Variants in NEK4 observed in about 807,000 individuals in gnomAD.
NEK4 encodes serine/threonine-protein kinase Nek4.
NEK4 carries 86 observed loss-of-function variants against 98.4 expected under a neutral mutation model. The ratio of observed to expected loss-of-function variants is 0.87; its 90% confidence interval spans 0.73 to 1.05. The LOEUF is 1.05. Among genes scored for constraint, NEK4 ranks in the 50% least tolerant of loss-of-function variants. The pLI, the probability that NEK4 is intolerant of heterozygous loss-of-function variation, is 0.00. For synonymous variants in NEK4, 328 were observed against 342.2 expected (o/e 0.96, Z 0.46); for missense variants, 898 against 950.3 (o/e 0.94, Z 0.72).
chr3:52,723,012 T>G (rs1204116392), intron 15 of NEK4, among the ~76,000 whole-genome samples: 1 of 152,142 alleles, frequency 6.6e-6, no homozygotes, highest in East Asian at 1.9e-4. Flanking sequence ...GAGACCAGCC[T>G]GGGCAACATA....
Position 52,711,783 on chromosome 3 carries a change from A to G in NEK4, c.2520T>C (p.Asn840=). The G allele has an allele frequency of 6.2e-7, 1 of 1,603,002 alleles. No individual in the cohort carries two copies. Among genetic ancestry groups the G allele is most frequent in the Admixed American group, 1.7e-5 (1 of 59,720 alleles). ...AGCAGATTAGGACAAATGCTCAAAA[A>G]TTCATGTTTTCTTCAAAAAATTTCA... ...RQLKFFEENM[N]F is the part of the protein sequence containing the mutation. Residue 840 remains asparagine, a synonymous_variant, in exon 16 of 16, where the codon AAT becomes AAC. Transcript: ENST00000233027.
At position 52,708,841 on chromosome 3, in the gene NEK4, G is replaced by C. The variant is rs971859913; in HGVS notation, c.*2936C>G. On this transcript the variant is annotated 3_prime_UTR_variant, in exon 16 of 16. Coordinates refer to ENST00000233027, the MANE Select transcript of NEK4 (RefSeq NM_003157.6). ...AAGGACATAAAACTTCCTTAGCTTT[G>C]TAAGTCTGTGGAAATCAAAACTTCT... 1.3e-5 allele frequency: 2 copies of C among 152,088 alleles called. No individual in the cohort carries two copies. The highest frequency in any genetic ancestry group is 1.3e-4 in the Admixed American group (2 of 15,250). 9.4% of individuals were successfully genotyped at this position (152,088 alleles called of 1,614,324 possible).
chr3:52,728,277 G>A (rs1330940890), intron 15 of NEK4, among the ~76,000 whole-genome samples: 2 of 152,202 alleles, frequency 1.3e-5, no homozygotes, highest in Non-Finnish European at 2.9e-5. Context: ...TCTAGAGGCT[G>A]AGGTGGGAGG....
Position 52,752,215 on chromosome 3 carries a change from A to T in NEK4, c.1085T>A (p.Ile362Asn), listed in dbSNP as rs758338516. 6 of 1,614,116 alleles carry T rather than the reference A, an allele frequency of 3.7e-6. No individual in the cohort carries two copies. Among genetic ancestry groups the T allele is most frequent in the Non-Finnish European group, 5.1e-6 (6 of 1,180,024 alleles). Residue 362 changes from isoleucine (I) to asparagine (N), a missense_variant, in exon 7 of 16, where the codon ATC becomes AAC. Coordinates refer to ENST00000233027, the MANE Select transcript of NEK4 (RefSeq NM_003157.6). ...TAAGATGTCAATATTTACGCTACTG[A>T]TTGTGGCTAGTTCTGTGGTATTGCT... is the stretch of plus-strand genomic sequence containing the variant. ...DLSNTTELAT[I>N]SSVNIDILPA...
chr3:52,766,520 G>C (rs1698566030), intron 2 of NEK4, 145 bp from the exon 3 acceptor site: 1 of 616,070 alleles, frequency 1.6e-6, no homozygotes, highest in Non-Finnish European at 2.8e-6. Context: ...TATTCAACAA[G>C]CAAATACCTA....
At chr3:52,733,399 T>C in intron 15 of NEK4, 1 of 384,024 alleles carries the variant, frequency 2.6e-6, no homozygotes, top group Non-Finnish European at 5.1e-6. Flanking sequence ...TTAAAGAGTG[T>C]TCAGGACTTA....
chr3:52,758,548 T>C (rs962166156), intron 6 of NEK4, among the ~76,000 whole-genome samples: 2 of 151,496 alleles, frequency 1.3e-5, no homozygotes, highest in Non-Finnish European at 2.9e-5. Context: ...TTCTTAGCTA[T>C]GACAACAAAA....
rs934713960 is a variant in NEK4, at chr3:52,743,324, C to T, written c.2004+28G>A. On this transcript the variant is annotated intron_variant, in intron 12 of 15. Coordinates refer to ENST00000233027, the MANE Select transcript of NEK4 (RefSeq NM_003157.6). ...AGGCCTGCCAGATGTAGACTGTCCA[C>T]CTTCTCTCTTAGGAGTACGTAATGC... 3.8e-6 allele frequency: 6 copies of T among 1,566,808 alleles called. No homozygotes were observed. In the African/African-American group the frequency reaches 8.1e-5, roughly 21 times the overall value.
At chr3:52,748,129 T>C (rs1420352001) in intron 8 of NEK4, among the ~76,000 whole-genome samples, 1 of 150,582 alleles carries the variant, frequency 6.6e-6, no homozygotes, top group Non-Finnish European at 1.5e-5. Flanking sequence ...CCAGCTAATT[T>C]TTTTTTTTTT....
intron 12 of NEK4, 34 bp from the exon 13 acceptor site, chr3:52,741,533 T>C: frequency 7.5e-7 from 1 of 1,333,970 alleles, no homozygotes; most frequent in Non-Finnish European, 1.1e-6. Context: ...AAATTCTACA[T>C]GACAACACAA....
intron 15 of NEK4, among the ~76,000 whole-genome samples, chr3:52,713,005 A>G (rs138492110): frequency 0.035 from 5,335 of 152,252 alleles, 130 homozygotes; most frequent in Middle Eastern, 0.058. Flanking sequence ...GCCTAGGTCC[A>G]TGGGCACAGA....
chr3:52,746,975 C>A, intron 8 of NEK4, 71 bp from the exon 9 acceptor site: 1 of 1,232,938 alleles, frequency 8.1e-7, no homozygotes, highest in Non-Finnish European at 1.1e-6. Context: ...AGTAAGTTGT[C>A]CATAAAAAGT....
intron 15 of NEK4, among the ~76,000 whole-genome samples, chr3:52,720,674 A>C (rs1049646491): frequency 6.6e-6 from 1 of 152,238 alleles, no homozygotes; most frequent in African/African-American, 2.4e-5. Flanking sequence ...CAAATCTATC[A>C]TTCAAAAATA....
intron 10 of NEK4, 97 bp downstream of exon 10, chr3:52,745,964 C>T: frequency 9.2e-7 from 1 of 1,084,332 alleles, no homozygotes; most frequent in Non-Finnish European, 1.4e-6. Context: ...CTCAATTGAT[C>T]CTCTTGCTTC....
At chr3:52,730,010 A>G (rs980619170) in intron 15 of NEK4, among the ~76,000 whole-genome samples, 2 of 152,186 alleles carry the variant, frequency 1.3e-5, no homozygotes, top group Non-Finnish European at 2.9e-5. Context: ...CGGGAGCCTG[A>G]GGCAGGAGAA....
intron 15 of NEK4, among the ~76,000 whole-genome samples, chr3:52,717,383 G>GACA (rs2154101961): frequency 6.7e-6 from 1 of 150,232 alleles, no homozygotes; most frequent in African/African-American, 2.5e-5. Flanking sequence ...CTACAGCCTG[G>GACA]GTGACAAAGC....
chr3:52,714,384 A>G (rs976958233), intron 15 of NEK4, among the ~76,000 whole-genome samples: 2 of 152,228 alleles, frequency 1.3e-5, no homozygotes, highest in Non-Finnish European at 2.9e-5. Flanking sequence ...CTGGCAGCAG[A>G]AGGGAGGTGT....
chr3:52,714,358 A>T (rs1257983913), intron 15 of NEK4, among the ~76,000 whole-genome samples: 1 of 152,268 alleles, frequency 6.6e-6, no homozygotes, highest in Non-Finnish European at 1.5e-5. Context: ...CATCCGGAGC[A>T]GCCGCTACCA....
Position 52,710,917 on chromosome 3 carries a change from T to C in NEK4, c.*860A>G, listed in dbSNP as rs2097349767. 6.6e-6 allele frequency: 1 copy of C among 152,588 alleles called. No homozygotes were observed. 9.5% of individuals were successfully genotyped at this position (152,588 alleles called of 1,614,324 possible). On this transcript the variant is annotated 3_prime_UTR_variant, in exon 16 of 16. Coordinates refer to ENST00000233027, the MANE Select transcript of NEK4 (RefSeq NM_003157.6). Reference sequence around the variant, plus strand: ...CTCTTATTAAACAACTAATAAAATATGTGCTATATAATCATACATTTAAAA... The same window carrying C: ...CTCTTATTAAACAACTAATAAAATACGTGCTATATAATCATACATTTAAAA...
Sources: gnomAD v4.1 joint callset for allele counts (sites outside exome capture counted in the v4.1 genomes callset) on GRCh38, gnomAD v4.1.1 for gene constraint, MANE v1.5 for transcripts, NCBI Gene and HGNC (gene_info 2026-07-23, HGNC 2026-07-21) for gene names.